DENND1A: variants seen among roughly 807,000 people sequenced by gnomAD.
The protein encoded by DENND1A is DENN domain-containing protein 1A.
A neutral mutation model predicts 113.7 loss-of-function variants in DENND1A; 51 were observed. The observed-to-expected ratio is 0.45, with a 90% confidence interval of 0.36 to 0.57. DENND1A has a LOEUF of 0.57. Among genes scored for constraint, DENND1A ranks in the 20% least tolerant of loss-of-function variants. The pLI is 0.00. For missense variants in DENND1A, 1,258 were observed against 1,395.9 expected (o/e 0.90, Z 1.57); for synonymous variants, 565 against 570.8 (o/e 0.99, Z 0.14).
chr9:123,845,670 CAAAAAAAAAAAAAAAA>C (rs555731367), intron 2 of DENND1A, among the ~76,000 whole-genome samples: 19 of 44,094 alleles, frequency 4.3e-4, no homozygotes, highest in African/African-American at 1.3e-3. Flanking sequence ...AACCTGTCTC[CAAAAAAAAAAAAAAAA>C]AAAAAAAAAG....
intron 13 of DENND1A, among the ~76,000 whole-genome samples, chr9:123,464,370 G>A (rs1022834172): frequency 1.3e-5 from 2 of 152,246 alleles, no homozygotes; most frequent in African/African-American, 4.8e-5. Context: ...TAAACAAAGT[G>A]TGGCATATAC....
chr9:123,817,991 C>A (rs1837778400), intron 2 of DENND1A, among the ~76,000 whole-genome samples: 1 of 151,384 alleles, frequency 6.6e-6, no homozygotes, highest in Non-Finnish European at 1.5e-5. Flanking sequence ...CACACCACTG[C>A]ACTCCAGCCT....
intron 2 of DENND1A, among the ~76,000 whole-genome samples, chr9:123,803,302 G>C (rs1281767058): frequency 6.6e-6 from 1 of 152,058 alleles, no homozygotes; most frequent in Non-Finnish European, 1.5e-5. Flanking sequence ...TTAAATCTGT[G>C]GTTAGTAACT....
At position 123,411,806 on chromosome 9, in the gene DENND1A, T is replaced by C; in HGVS notation, c.1512A>G (p.Arg504=). ...FGQLQRLRPT[R]PPPKIQRSRP... is the part of the protein sequence containing the mutation. Reference sequence around the variant, plus strand: ...TCGAGCGCTGTATCTTGGGAGGCGGTCGGGTGGGACGCAGTCTCTGCAGCT... The same window carrying C: ...TCGAGCGCTGTATCTTGGGAGGCGGCCGGGTGGGACGCAGTCTCTGCAGCT... Residue 504 remains arginine, a synonymous_variant, in exon 20 of 24, where the codon CGA becomes CGG. Transcript: ENST00000394215. 5 of 985,754 alleles carry C rather than the reference T, an allele frequency of 5.1e-6. No individual in the cohort carries two copies. Among genetic ancestry groups the C allele is most frequent in the Non-Finnish European group, 6.0e-6 (5 of 830,010 alleles). The allele number at this position is 985,754 out of a possible 1,614,324, so 61.1% of individuals were successfully genotyped here.
intron 2 of DENND1A, among the ~76,000 whole-genome samples, chr9:123,815,421 T>A (rs1837285270): frequency 6.6e-6 from 1 of 152,102 alleles, no homozygotes; most frequent in Admixed American, 6.6e-5. Flanking sequence ...AGAAACAACT[T>A]TAACACACTA....
intron 1 of DENND1A, chr9:123,928,453 A>G: frequency 1.5e-6 from 1 of 677,518 alleles, no homozygotes; most frequent in South Asian, 6.6e-5. Context: ...GTGCCTCTTT[A>G]ATCCCAATGT....
chr9:123,396,510 G>A (rs1479435916), intron 21 of DENND1A, among the ~76,000 whole-genome samples: 3 of 152,262 alleles, frequency 2.0e-5, no homozygotes, highest in Non-Finnish European at 4.4e-5. Flanking sequence ...TGCACAAGCG[G>A]CACGCCAGCT....
At chr9:123,661,988 A>C (rs2063261838) in intron 8 of DENND1A, among the ~76,000 whole-genome samples, 1 of 152,216 alleles carries the variant, frequency 6.6e-6, no homozygotes, top group Admixed American at 6.5e-5. Context: ...AAATAATGTA[A>C]GAAAAGTTCT....
intron 20 of DENND1A, among the ~76,000 whole-genome samples, chr9:123,408,558 C>T (rs2131443427): frequency 6.6e-6 from 1 of 152,248 alleles, no homozygotes; most frequent in African/African-American, 2.4e-5. Flanking sequence ...AGGAAGTGGC[C>T]AAGCTGTAAT....
intron 19 of DENND1A, chr9:123,439,971 AT>A (rs549464362): frequency 3.7e-4 from 56 of 151,320 alleles, no homozygotes; most frequent in Middle Eastern, 3.4e-3. Flanking sequence ...CTCCTAATTG[AT>A]TTTTTTTTTA....
chr9:123,453,345 G>A (rs762575840), intron 16 of DENND1A, among the ~76,000 whole-genome samples: 5 of 152,222 alleles, frequency 3.3e-5, no homozygotes, highest in Non-Finnish European at 7.3e-5. Flanking sequence ...ATAAATAGGA[G>A]TTGATGTAGG....
chr9:123,406,865 C>G (rs2043895105), intron 20 of DENND1A, among the ~76,000 whole-genome samples: 1 of 152,164 alleles, frequency 6.6e-6, no homozygotes, highest in African/African-American at 2.4e-5. Context: ...AAAGGTCAGA[C>G]TTTAAGGCCT....
chr9:123,665,618 T>G (rs2063456078), intron 8 of DENND1A, among the ~76,000 whole-genome samples: 3 of 152,206 alleles, frequency 2.0e-5, no homozygotes, highest in African/African-American at 7.2e-5. Context: ...TGGAAAAATT[T>G]CCTTTCTGTG....
intron 2 of DENND1A, among the ~76,000 whole-genome samples, chr9:123,814,051 T>C (rs1054658840): frequency 1.3e-5 from 2 of 152,220 alleles, no homozygotes; most frequent in African/African-American, 4.8e-5. Context: ...TACAGATTTT[T>C]ACATAATGTT....
chr9:123,845,241 A>G lies in DENND1A; in HGVS notation c.88+33710T>C, dbSNP rs187730313. Among the ~76,000 whole-genome samples the G allele has an allele frequency of 1.1e-4, 17 of 152,188 alleles. No individual in the cohort carries two copies. In the East Asian group the frequency reaches 2.7e-3, roughly 24 times the overall value. ...TCTCCAAAAAACAAAAAAAAAATCAACAAGGAAACCAAAACAACTCAATGG... is the reference window on the plus strand; with the variant it reads ...TCTCCAAAAAACAAAAAAAAAATCAGCAAGGAAACCAAAACAACTCAATGG... On this transcript the variant is annotated intron_variant, in intron 2 of 23. Coordinates refer to ENST00000394215, the MANE Select transcript of DENND1A (RefSeq NM_001352964.2).
At position 123,422,379 on chromosome 9, in the gene DENND1A, T is replaced by TC. The variant is rs2045375864; in HGVS notation, c.1489-10551dup. On this transcript the variant is annotated intron_variant, in intron 19 of 23. Coordinates refer to ENST00000394215, the MANE Select transcript of DENND1A (RefSeq NM_001352964.2). The surrounding 1 kb of genome is among the most constrained non-coding windows in gnomAD (Gnocchi z 4.8). ...CCTAACAGGTTGAGCCCCAGGGCCA[T>TC]CCCCCAAAGCAATAGACTTTTTGAG... 6.6e-6 allele frequency among the ~76,000 whole-genome samples: 1 copy of TC among 152,096 alleles called. No homozygotes were observed. The highest frequency in any genetic ancestry group is 2.4e-5 in the African/African-American group (1 of 41,402).
intron 12 of DENND1A, among the ~76,000 whole-genome samples, chr9:123,570,626 T>G (rs1030640944): frequency 3.9e-5 from 6 of 152,182 alleles, no homozygotes; most frequent in African/African-American, 1.4e-4. Flanking sequence ...ACCTCCATAC[T>G]CATTATACCC....
At chr9:123,814,841 C>T (rs990191224) in intron 2 of DENND1A, among the ~76,000 whole-genome samples, 1 of 152,134 alleles carries the variant, frequency 6.6e-6, no homozygotes, top group African/African-American at 2.4e-5. Flanking sequence ...CTAAAAAATA[C>T]TTAAACAAGG....
intron 13 of DENND1A, among the ~76,000 whole-genome samples, chr9:123,474,811 C>T (rs2049769106): frequency 6.6e-6 from 1 of 152,196 alleles, no homozygotes; most frequent in Non-Finnish European, 1.5e-5. Context: ...CATATACCTT[C>T]ACCCTGTTCC....
Sources: allele counts gnomAD v4.1 joint callset (sites outside exome capture counted in the v4.1 genomes callset), GRCh38; gene constraint gnomAD v4.1.1; non-coding constraint Gnocchi (gnomAD v3.1); transcripts MANE v1.5; gene names NCBI Gene and HGNC (gene_info 2026-07-23, HGNC 2026-07-21).